The following R3HDM1 variants were observed in gnomAD, a reference collection of about 807,000 sequenced individuals.
R3HDM1 encodes R3H domain-containing protein 1.
A neutral mutation model predicts 141.1 loss-of-function variants in R3HDM1; 46 were observed. The observed-to-expected ratio is 0.33, with a 90% CI of 0.26 to 0.42. The LOEUF (loss-of-function observed/expected upper bound fraction) is 0.42, where lower values mean the gene tolerates loss of function less well. Ranked by LOEUF, R3HDM1 falls within the 10% of genes least tolerant of loss-of-function variation. The pLI is 1.00. For synonymous variants in R3HDM1, 435 were observed against 472.9 expected (o/e 0.92, Z 1.04); for missense variants, 1,184 against 1,368.3 (o/e 0.87, Z 2.12).
chr2:135,548,769 T>C (rs1220584962), intron 1 of R3HDM1, among the ~76,000 whole-genome samples: 1 of 152,216 alleles, frequency 6.6e-6, no homozygotes, highest in Non-Finnish European at 1.5e-5. Context: ...TACAGAATCG[T>C]ATTTTATTAT....
At chr2:135,721,131 C>A (rs1227618599) in intron 24 of R3HDM1, among the ~76,000 whole-genome samples, 3 of 152,130 alleles carry the variant, frequency 2.0e-5, no homozygotes, top group African/African-American at 7.2e-5. Context: ...AGTCCTTAAT[C>A]TTTTCAGAAT....
intron 20 of R3HDM1, among the ~76,000 whole-genome samples, chr2:135,678,752 G>C (rs914065997): frequency 5.9e-5 from 8 of 136,682 alleles, no homozygotes; most frequent in African/African-American, 1.9e-4. Context: ...GGTTATACTG[G>C]CTTGCTTTTT....
At chr2:135,701,102 T>C (rs747244618) in intron 21 of R3HDM1, among the ~76,000 whole-genome samples, 2 of 151,858 alleles carry the variant, frequency 1.3e-5, no homozygotes, top group Admixed American at 1.3e-4. Context: ...TATTGTACAT[T>C]GGCCTGGCAC....
At chr2:135,656,361 A>G (rs1028962016) in intron 18 of R3HDM1, 2 of 152,046 alleles carry the variant, frequency 1.3e-5, no homozygotes, top group Non-Finnish European at 2.9e-5. Context: ...TATATTTTTG[A>G]CATGGTATGC....
intron 21 of R3HDM1, among the ~76,000 whole-genome samples, chr2:135,683,166 A>G (rs2070647391): frequency 6.6e-6 from 1 of 152,212 alleles, no homozygotes; most frequent in Non-Finnish European, 1.5e-5. Flanking sequence ...AAATTGAATG[A>G]GTTGTACGTG....
intron 2 of R3HDM1, among the ~76,000 whole-genome samples, chr2:135,604,484 A>G (rs1040554658): frequency 6.6e-6 from 1 of 152,132 alleles, no homozygotes; most frequent in Admixed American, 6.5e-5. Context: ...TGTGTTAGCA[A>G]TAGGGTCTTG....
chr2:135,701,241 A>G (rs969002575), intron 21 of R3HDM1, among the ~76,000 whole-genome samples: 2 of 151,258 alleles, frequency 1.3e-5, no homozygotes, highest in Non-Finnish European at 3.0e-5. Flanking sequence ...AAAAAAAAAA[A>G]AAACTATAAA....
At chr2:135,586,812 A>T (rs1708040331) in intron 1 of R3HDM1, 1 of 985,108 alleles carries the variant, frequency 1.0e-6, no homozygotes, top group South Asian at 4.7e-5. Context: ...GCTAATTGGT[A>T]TTTGTGTATA....
At chr2:135,606,637 C>A (rs902595837) in intron 3 of R3HDM1, 15 of 151,328 alleles carry the variant, frequency 9.9e-5, no homozygotes, top group African/African-American at 2.7e-4. Flanking sequence ...GTTGCGCGCA[C>A]CTATAGTCCC....
chr2:135,669,459 C>A, intron 19 of R3HDM1: 1 of 984,358 alleles, frequency 1.0e-6, no homozygotes, highest in Non-Finnish European at 1.2e-6. Context: ...ATCTGTTTTC[C>A]TGTAATTAAG....
At chr2:135,598,355 CT>C (rs1018496923) in intron 1 of R3HDM1, among the ~76,000 whole-genome samples, 44 of 152,244 alleles carry the variant, frequency 2.9e-4, no homozygotes, top group African/African-American at 1.0e-3. Flanking sequence ...ATAGTACTAT[CT>C]TCTTGTACAC....
At chr2:135,583,031 C>A (rs539833986) in intron 1 of R3HDM1, among the ~76,000 whole-genome samples, 1 of 152,180 alleles carries the variant, frequency 6.6e-6, no homozygotes, top group Non-Finnish European at 1.5e-5. Context: ...CTTTCTCTCT[C>A]TGTGTGTGTC....
rs78407681 is a variant in R3HDM1, at chr2:135,700,020, A to G, written c.2460-9413A>G. On this transcript the variant is annotated intron_variant, in intron 21 of 26. Transcript: ENST00000683871. ...TATCAAGCCCATTTTTCTATAAATC[A>G]GTCGGGATATTTAACAAAATGCAAA... Among the ~76,000 whole-genome samples the G allele has an allele frequency of 3.9e-3, 590 of 152,344 alleles. 4 individuals carry two copies. Among genetic ancestry groups the G allele is most frequent in the African/African-American group, 0.014 (562 of 41,582 alleles).
chr2:135,715,631 C>T lies in R3HDM1; in HGVS notation c.2818C>T (p.Arg940Cys), dbSNP rs1377023739. 2.5e-6 allele frequency: 4 copies of T among 1,613,866 alleles called. No individual in the cohort carries two copies. The highest frequency in any genetic ancestry group is 2.2e-5 in the East Asian group (1 of 44,872). Residue 940 changes from arginine to cysteine, a missense_variant, in exon 24 of 27, where the codon CGT (arginine) becomes TGT (cysteine). By Grantham distance (180) the Arg-to-Cys change is radical (BLOSUM62 -3). Coordinates refer to ENST00000683871, the MANE Select transcript of R3HDM1 (RefSeq NM_001378107.1). ...PAQLSTLKTV[R>C]PSGPPLSIMP... The stretch of plus-strand genomic sequence containing the variant: ...TCAGCTGTCCACCCTGAAAACTGTA[C>T]GTCCCTCTGGACCACCACTTTCCAT...
intron 1 of R3HDM1, chr2:135,584,393 C>A: frequency 1.1e-6 from 1 of 940,220 alleles, no homozygotes; most frequent in Non-Finnish European, 1.3e-6. Flanking sequence ...TTTTCATTAC[C>A]TGACCTCGGT....
At chr2:135,663,626 T>C (rs1194569306) in intron 19 of R3HDM1, among the ~76,000 whole-genome samples, 1 of 152,242 alleles carries the variant, frequency 6.6e-6, no homozygotes, top group Admixed American at 6.5e-5. Context: ...GTTGTGTTGG[T>C]AATTGTATTG....
At chr2:135,544,003 C>G (rs1229699637) in intron 1 of R3HDM1, among the ~76,000 whole-genome samples, 1 of 152,184 alleles carries the variant, frequency 6.6e-6, no homozygotes, top group East Asian at 1.9e-4. Context: ...AACAACTGAA[C>G]AAGTTAAGTT....
chr2:135,643,754 A>C (rs1305962465), intron 15 of R3HDM1, among the ~76,000 whole-genome samples: 1 of 152,260 alleles, frequency 6.6e-6, no homozygotes, highest in East Asian at 1.9e-4. Context: ...AATGTGGTAC[A>C]TATACACCAT....
intron 1 of R3HDM1, among the ~76,000 whole-genome samples, chr2:135,593,900 A>G (rs111765131): frequency 0.071 from 10,802 of 152,032 alleles, 808 homozygotes; most frequent in African/African-American, 0.19. Flanking sequence ...TTGTATTTTT[A>G]GTAGAGATGA....
Sources: gnomAD v4.1 joint callset for allele counts (sites outside exome capture counted in the v4.1 genomes callset) on GRCh38, gnomAD v4.1.1 for gene constraint, MANE v1.5 for transcripts, NCBI Gene and HGNC (gene_info 2026-07-23, HGNC 2026-07-21) for gene names.